Variants in FAM135B observed in about 807,000 individuals in gnomAD.
FAM135B encodes the protein family with sequence similarity 135 member B, also known as protein FAM135B.
Under a neutral mutation model 127.7 loss-of-function variants are expected in FAM135B, and 43 were observed. The observed-to-expected ratio is 0.34, with a 90% CI of 0.26 to 0.43. The LOEUF is 0.43. Ranked by LOEUF, FAM135B falls within the 20% of genes least tolerant of loss-of-function variation. FAM135B has a pLI of 1.00. For missense variants in FAM135B, 1,558 were observed against 1,725.6 expected (o/e 0.90, Z 1.72); for synonymous variants, 670 against 665.1 (o/e 1.01, Z -0.11).
intron 7 of FAM135B, among the ~76,000 whole-genome samples, chr8:138,237,970 G>A (rs542880389): frequency 6.6e-6 from 1 of 152,350 alleles, no homozygotes; most frequent in Middle Eastern, 3.4e-3. Context: ...ACTGGACCAG[G>A]CAGTGTCAGG....
rs1019912402 is a variant in FAM135B at position 138,241,026 on chromosome 8, G to A, written c.669+1916C>T. Among the ~76,000 whole-genome samples the A allele has an allele frequency of 3.3e-5, 5 of 152,278 alleles. No homozygotes were observed. In the East Asian group the frequency reaches 5.8e-4, roughly 18 times the overall value. On this transcript the variant is annotated intron_variant, in intron 7 of 19. Transcript: ENST00000395297. This position sits in a 1 kb window ranked among gnomAD's most constrained non-coding sequence, Gnocchi z 4.8. ...CTGAGACTCTTCAGTCTCTACAATG[G>A]GGTCTACTGAAACTCTGGGTGCCAG...
chr8:138,225,822 T>C (rs72614004), intron 7 of FAM135B, among the ~76,000 whole-genome samples: 10,189 of 152,166 alleles, frequency 0.067, 561 homozygotes, highest in East Asian at 0.3. Context: ...ATGGGTGAAG[T>C]TCTGAGCTTT....
At chr8:138,134,597 GAATA>G (rs1586558273) in intron 19 of FAM135B, among the ~76,000 whole-genome samples, 1 of 152,072 alleles carries the variant, frequency 6.6e-6, no homozygotes, top group Non-Finnish European at 1.5e-5. Flanking sequence ...ACAATGTAGA[GAATA>G]AATTGGAAGG....
chr8:138,329,460 C>T (rs970457292), intron 2 of FAM135B, among the ~76,000 whole-genome samples: 1 of 152,140 alleles, frequency 6.6e-6, no homozygotes, highest in African/African-American at 2.4e-5. Flanking sequence ...TAGGAATTTC[C>T]ATTTCCTCAT....
chr8:138,217,433 T>TA (rs10691049), intron 7 of FAM135B, among the ~76,000 whole-genome samples: 6 of 24,442 alleles, frequency 2.5e-4, no homozygotes, highest in East Asian at 8.5e-4. Context: ...GATATATTTC[T>TA]TTTTTTTTTT....
At chr8:138,314,455 A>T (rs1017265017) in intron 2 of FAM135B, among the ~76,000 whole-genome samples, 1 of 152,126 alleles carries the variant, frequency 6.6e-6, no homozygotes, top group African/African-American at 2.4e-5. Flanking sequence ...CACACCAATT[A>T]AAAAGTGGGC....
intron 2 of FAM135B, 81 bp from the exon 3 acceptor site, chr8:138,311,001 A>ATTTCCTATGGCCTTC: frequency 1.7e-6 from 2 of 1,156,326 alleles, no homozygotes; most frequent in Non-Finnish European, 1.2e-6. Flanking sequence ...ATTAATCCTG[A>ATTTCCTATGGCCTTC]AAGCCATAGG....
At chr8:138,374,798 A>G (rs892831330) in intron 1 of FAM135B, among the ~76,000 whole-genome samples, 3 of 152,194 alleles carry the variant, frequency 2.0e-5, no homozygotes, top group African/African-American at 7.2e-5. Context: ...GAGTCCAGGC[A>G]CAGGGTTCTG....
At chr8:138,439,482 T>C (rs890609837) in intron 1 of FAM135B, 2 of 152,160 alleles carry the variant, frequency 1.3e-5, no homozygotes, top group South Asian at 4.2e-4. Context: ...TAAAGCTTCA[T>C]AGGCCGACCT....
intron 1 of FAM135B, among the ~76,000 whole-genome samples, chr8:138,385,540 G>C (rs1414095553): frequency 1.3e-5 from 2 of 152,220 alleles, no homozygotes; most frequent in Non-Finnish European, 2.9e-5. Flanking sequence ...GCCTGGCGAG[G>C]TGGCTCATGC....
chr8:138,313,224 C>T (rs866493022), intron 2 of FAM135B, among the ~76,000 whole-genome samples: 8 of 152,212 alleles, frequency 5.3e-5, no homozygotes, highest in East Asian at 1.9e-4. Flanking sequence ...TTCCGTCTCC[C>T]GGGTTCAAGT....
chr8:138,339,045 G>A (rs1293734000), intron 2 of FAM135B, among the ~76,000 whole-genome samples: 4 of 146,918 alleles, frequency 2.7e-5, no homozygotes, highest in Non-Finnish European at 6.0e-5. Flanking sequence ...TCACTCATAG[G>A]TAGGAATTGA....
chr8:138,461,738 A>C, intron 1 of FAM135B, among the ~76,000 whole-genome samples: 1 of 152,198 alleles, frequency 6.6e-6, no homozygotes, highest in East Asian at 1.9e-4. Context: ...CCTCACAGAC[A>C]ACCATGACTA....
intron 1 of FAM135B, among the ~76,000 whole-genome samples, chr8:138,418,459 A>G (rs779369973): frequency 9.9e-5 from 15 of 152,112 alleles, no homozygotes; most frequent in Non-Finnish European, 2.1e-4. Flanking sequence ...GATGCTATAC[A>G]AGATGACCAT....
intron 1 of FAM135B, among the ~76,000 whole-genome samples, chr8:138,375,384 T>C (rs1431574253): frequency 1.3e-5 from 2 of 152,042 alleles, no homozygotes; most frequent in Admixed American, 1.3e-4. Flanking sequence ...TCTCTGTGTG[T>C]TTGTGTGTGT....
chr8:138,201,899 G>A (rs776725128), intron 7 of FAM135B, among the ~76,000 whole-genome samples: 38 of 152,088 alleles, frequency 2.5e-4, no homozygotes, highest in Admixed American at 1.0e-3. Context: ...GCCGAGGCGG[G>A]CAGATCACAG....
intron 7 of FAM135B, among the ~76,000 whole-genome samples, chr8:138,239,402 G>A (rs946575047): frequency 1.8e-4 from 27 of 152,054 alleles, no homozygotes; most frequent in African/African-American, 6.3e-4. Flanking sequence ...CTTGTTGATG[G>A]GGTTGTTTTT....
At chr8:138,380,513 C>T (rs372463392) in intron 1 of FAM135B, among the ~76,000 whole-genome samples, 9 of 152,172 alleles carry the variant, frequency 5.9e-5, no homozygotes, top group Admixed American at 6.5e-5. Flanking sequence ...GTTTTAATAC[C>T]TCACGCATCA....
intron 1 of FAM135B, among the ~76,000 whole-genome samples, chr8:138,453,668 G>A (rs144258533): frequency 6.6e-6 from 1 of 152,284 alleles, no homozygotes; most frequent in East Asian, 1.9e-4. Flanking sequence ...AACCAGCAGG[G>A]TCCATATTGC....
Sources: gnomAD v4.1 joint callset for allele counts (sites outside exome capture counted in the v4.1 genomes callset) on GRCh38, gnomAD v4.1.1 for gene constraint, Gnocchi (gnomAD v3.1) non-coding constraint, MANE v1.5 for transcripts, NCBI Gene and HGNC (gene_info 2026-07-23, HGNC 2026-07-21) for gene names.